CPEB1: variants seen among roughly 807,000 people sequenced by gnomAD.
The protein encoded by CPEB1 is cytoplasmic polyadenylation element binding protein 1.
Under a neutral mutation model 65.8 loss-of-function variants are expected in CPEB1, and 7 were observed. That is an observed-to-expected ratio of 0.11 (90% CI 0.06 to 0.20). The LOEUF (loss-of-function observed/expected upper bound fraction) is 0.20, where lower values mean the gene tolerates loss of function less well. Ranked by LOEUF, CPEB1 falls within the 10% of genes least tolerant of loss-of-function variation. CPEB1 has a pLI of 1.00. For missense variants in CPEB1, 551 were observed against 712.2 expected (o/e 0.77, Z 2.58); for synonymous variants, 262 against 260.0 (o/e 1.01, Z -0.08).
intron 3 of CPEB1, among the ~76,000 whole-genome samples, chr15:82,598,662 G>A (rs989278000): frequency 2.0e-5 from 3 of 152,038 alleles, no homozygotes; most frequent in African/African-American, 7.2e-5. Context: ...GTGGGTGCCC[G>A]TAATCCCAAC....
At chr15:82,594,908 C>T (rs773400896) in intron 3 of CPEB1, among the ~76,000 whole-genome samples, 1 of 152,156 alleles carries the variant, frequency 6.6e-6, no homozygotes, top group Non-Finnish European at 1.5e-5. Context: ...GGAGCAGTCA[C>T]AGCATACACA....
At chr15:82,553,605 C>T in intron 7 of CPEB1, 49 bp from the exon 8 acceptor site, 2 of 1,343,606 alleles carry the variant, frequency 1.5e-6, no homozygotes, top group Non-Finnish European at 2.1e-6. Context: ...CCATCTTTCC[C>T]AGTAAAGACA....
chr15:82,603,965 G>GA (rs375350705), intron 3 of CPEB1, among the ~76,000 whole-genome samples: 161 of 152,246 alleles, frequency 1.1e-3, no homozygotes, highest in African/African-American at 3.5e-3. Context: ...ATTCATGGGG[G>GA]AAAAAATCAC....
chr15:82,558,213 T>C (rs999094105), intron 4 of CPEB1, among the ~76,000 whole-genome samples: 2 of 152,190 alleles, frequency 1.3e-5, no homozygotes, highest in African/African-American at 2.4e-5. Context: ...GTTCCTGCTG[T>C]TACAATAGCA....
chr15:82,641,251 AAAAC>A (rs1219586112), intron 1 of CPEB1, among the ~76,000 whole-genome samples: 1 of 152,180 alleles, frequency 6.6e-6, no homozygotes, highest in East Asian at 1.9e-4. Flanking sequence ...AACAAAAACA[AAAAC>A]AAAAAGCCTC....
intron 1 of CPEB1, among the ~76,000 whole-genome samples, chr15:82,641,138 G>A (rs2047075246): frequency 6.6e-6 from 1 of 152,084 alleles, no homozygotes; most frequent in African/African-American, 2.4e-5. Context: ...GGATGTCAGA[G>A]ATTATATCTG....
intron 3 of CPEB1, among the ~76,000 whole-genome samples, chr15:82,598,268 T>G (rs2042818416): frequency 2.9e-5 from 2 of 69,722 alleles, no homozygotes; most frequent in Admixed American, 1.3e-4. Context: ...CTGAGGTGGG[T>G]GGATCACCTG....
chr15:82,629,148 T>C (rs2046023754), intron 1 of CPEB1: 1 of 436,936 alleles, frequency 2.3e-6, no homozygotes, highest in South Asian at 9.7e-5. Flanking sequence ...TTCTGCCATT[T>C]ATTGGCTGTG....
At chr15:82,647,791 C>G (rs1252283952), upstream of CPEB1, 13 of 1,250,072 alleles carry the variant, frequency 1.0e-5, no homozygotes, top group Non-Finnish European at 1.2e-5. Context: ...CCCGGCTGCG[C>G]GCGGACCGTT....
chr15:82,558,942 C>T (rs2037722445), intron 4 of CPEB1, among the ~76,000 whole-genome samples: 2 of 126,002 alleles, frequency 1.6e-5, no homozygotes. Flanking sequence ...GGAAAGAAGC[C>T]TTAATTTGAA....
intron 3 of CPEB1, among the ~76,000 whole-genome samples, chr15:82,599,220 A>G (rs1464673680): frequency 6.6e-6 from 1 of 152,194 alleles, no homozygotes; most frequent in Non-Finnish European, 1.5e-5. Flanking sequence ...AAATACAAGA[A>G]GATTGGAAAC....
At chr15:82,647,069 C>T in intron 1 of CPEB1, 68 bp downstream of exon 1, 1 of 152,788 alleles carries the variant, frequency 6.5e-6, no homozygotes, top group Non-Finnish European at 1.5e-5. Flanking sequence ...GGGCTCGGGT[C>T]GCTCCCCGCC....
At chr15:82,564,158 G>A (rs1439549176) in intron 4 of CPEB1, among the ~76,000 whole-genome samples, 2 of 152,206 alleles carry the variant, frequency 1.3e-5, no homozygotes, top group Admixed American at 1.3e-4. Context: ...GCAAAAAGCA[G>A]GTGAACAATG....
intron 1 of CPEB1, among the ~76,000 whole-genome samples, chr15:82,637,758 C>T (rs1171558219): frequency 5.9e-5 from 9 of 152,158 alleles, no homozygotes; most frequent in African/African-American, 2.2e-4. Context: ...TAATCACCTA[C>T]TCCAGAGGGC....
chr15:82,632,156 G>C (rs2046309330), intron 1 of CPEB1, among the ~76,000 whole-genome samples: 1 of 151,250 alleles, frequency 6.6e-6, no homozygotes, highest in Admixed American at 6.6e-5. Context: ...TCATTTTTTT[G>C]TATTTTTAGT....
At chr15:82,647,960 G>GGGCCGCGCGC (rs1567248286), upstream of CPEB1, 1 of 1,060,546 alleles carries the variant, frequency 9.4e-7, no homozygotes, top group African/African-American at 1.6e-5. Flanking sequence ...TTTTTGCAGC[G>GGGCCGCGCGC]GGCCGCGCGC....
intron 4 of CPEB1, among the ~76,000 whole-genome samples, chr15:82,570,902 CT>C (rs1318274831): frequency 6.6e-6 from 1 of 152,186 alleles, no homozygotes; most frequent in African/African-American, 2.4e-5. Flanking sequence ...ACCACTCACT[CT>C]TCATATAACT....
chr15:82,643,875 T>C (rs1211667099), intron 1 of CPEB1, among the ~76,000 whole-genome samples: 1 of 152,228 alleles, frequency 6.6e-6, no homozygotes, highest in African/African-American at 2.4e-5. Context: ...GACAGCATTA[T>C]GGGAATCTTA....
intron 3 of CPEB1, among the ~76,000 whole-genome samples, chr15:82,608,664 T>C (rs1411605994): frequency 2.0e-5 from 3 of 152,374 alleles, no homozygotes; most frequent in Non-Finnish European, 1.5e-5. Context: ...TGACAAAGTT[T>C]ATTGTGACAA....
Sources: allele counts gnomAD v4.1 joint callset (sites outside exome capture counted in the v4.1 genomes callset), GRCh38; gene constraint gnomAD v4.1.1; transcripts MANE v1.5; gene names NCBI Gene and HGNC (gene_info 2026-07-23, HGNC 2026-07-21).